VRK3: variants seen among roughly 807,000 people sequenced by gnomAD.
VRK3 encodes serine/threonine-protein kinase VRK3.
VRK3 carries 50 observed loss-of-function variants against 60.4 expected under a neutral mutation model. That is an observed-to-expected ratio of 0.83 (90% confidence interval 0.66 to 1.05). The LOEUF (loss-of-function observed/expected upper bound fraction) is 1.05, where lower values mean the gene tolerates loss of function less well. Ranked by LOEUF, VRK3 falls within the 50% of genes least tolerant of loss-of-function variation. The probability of loss-of-function intolerance (pLI) is 0.00; values close to 1 mark genes in which losing one functional copy is unlikely to be tolerated. For synonymous variants in VRK3, 246 were observed against 227.8 expected (o/e 1.08, Z -0.72); for missense variants, 549 against 585.3 (o/e 0.94, Z 0.64).
intron 3 of VRK3, among the ~76,000 whole-genome samples, chr19:50,013,040 G>A (rs60144067): frequency 0.012 from 1,758 of 152,154 alleles, 79 homozygotes; most frequent in East Asian, 0.12. Context: ...GGTGGTGGGC[G>A]CCTGTAGTCC....
intron 7 of VRK3, 39 bp downstream of exon 7, chr19:49,997,465 C>T: frequency 6.2e-7 from 1 of 1,609,262 alleles, no homozygotes. Context: ...TTGGCGCCCC[C>T]CTCACTCTCC....
In VRK3 at chr19:50,000,792, G is replaced by A. The variant is rs1289648924; in HGVS notation, c.610C>T (p.Leu204=). ...GPQKQKFSLK[L]DAKDGRLFNE... is the part of the protein sequence containing the mutation. ...CCCCCACCTGCAGGGTCACTTACCA[G>A]TTTGAGTGAGAACTTTTGCTTCTGT... Residue 204 remains leucine, a splice_region_variant and synonymous_variant, in exon 6 of 15, where the codon CTG becomes TTG. Coordinates refer to ENST00000316763, the MANE Select transcript of VRK3 (RefSeq NM_016440.4). The A allele has an allele frequency of 1.9e-6, 3 of 1,613,060 alleles. No homozygotes were observed. The highest frequency in any genetic ancestry group is 2.7e-5 in the African/African-American group (2 of 74,910).
chr19:49,994,441 TG>T (rs2076666024), intron 9 of VRK3, among the ~76,000 whole-genome samples: 1 of 152,226 alleles, frequency 6.6e-6, no homozygotes, highest in South Asian at 2.1e-4. Flanking sequence ...ACACAAGCCT[TG>T]CCCCAGCTGT....
intron 3 of VRK3, among the ~76,000 whole-genome samples, chr19:50,012,379 T>C (rs2077009573): frequency 4.6e-5 from 7 of 152,172 alleles, no homozygotes; most frequent in Admixed American, 4.6e-4. Context: ...TCCATTCAGT[T>C]CCCCTCTGTT....
chr19:50,022,633 CA>C (rs1172963553), intron 1 of VRK3, among the ~76,000 whole-genome samples: 76 of 144,476 alleles, frequency 5.3e-4, no homozygotes, highest in Admixed American at 9.7e-4. Context: ...TAAAAAAGTA[CA>C]AAAAAAAAAA....
At chr19:49,996,234 T>C (rs2076702536) in intron 7 of VRK3, among the ~76,000 whole-genome samples, 1 of 152,014 alleles carries the variant, frequency 6.6e-6, no homozygotes, top group Non-Finnish European at 1.5e-5. Flanking sequence ...TTTTTTGTAT[T>C]TTCAATAGAG....
At chr19:49,978,349 C>G (rs1290829889) in intron 14 of VRK3, among the ~76,000 whole-genome samples, 1 of 152,190 alleles carries the variant, frequency 6.6e-6, no homozygotes, top group African/African-American at 2.4e-5. Flanking sequence ...TCCTCTTCAG[C>G]ACACATCTCT....
rs2076377022 is a variant in VRK3, at chr19:49,979,021, C to A, written c.*11+62G>T. 4 of 1,510,064 alleles carry A rather than the reference C, an allele frequency of 2.6e-6. No individual in the cohort carries two copies. The Admixed American group carries it at 8.7e-5, about 33-fold the overall frequency. 93.5% of individuals were successfully genotyped at this position (1,510,064 alleles called of 1,614,324 possible). On this transcript the variant is annotated intron_variant, in intron 14 of 14. Coordinates refer to ENST00000316763, the MANE Select transcript of VRK3 (RefSeq NM_016440.4). ...GCCTCTGGGAAGTGTCTCCTGGAGC[C>A]TGGGGCAGGGCTCGGGTGAGGGCAA... is the stretch of plus-strand genomic sequence containing the variant.
chr19:50,002,129 C>G (rs909858622), intron 5 of VRK3, among the ~76,000 whole-genome samples: 16 of 152,118 alleles, frequency 1.1e-4, no homozygotes, highest in African/African-American at 3.9e-4. Flanking sequence ...TCTTGTCGCC[C>G]GCACACCTGA....
intron 2 of VRK3, among the ~76,000 whole-genome samples, chr19:50,016,561 C>A (rs1429819478): frequency 6.6e-6 from 1 of 152,180 alleles, no homozygotes; most frequent in Admixed American, 6.5e-5. Context: ...GCTGCCTGGT[C>A]CACACTGGAA....
intron 11 of VRK3, among the ~76,000 whole-genome samples, 187 bp from the exon 12 acceptor site, chr19:49,988,679 T>TCTTA (rs10649278): frequency 0.052 from 7,941 of 152,128 alleles, 676 homozygotes; most frequent in African/African-American, 0.18. Flanking sequence ...ACTCATTCTC[T>TCTTA]CTCTCACTCA....
intron 8 of VRK3, 101 bp downstream of exon 8, chr19:49,995,090 A>C (rs1056031684): frequency 5.1e-6 from 7 of 1,381,582 alleles, no homozygotes; most frequent in Non-Finnish European, 7.1e-6. Flanking sequence ...GCAGGAAGCA[A>C]AGACCTGGCC....
intron 10 of VRK3, among the ~76,000 whole-genome samples, chr19:49,992,384 A>G (rs1049007747): frequency 6.6e-6 from 1 of 152,244 alleles, no homozygotes. Flanking sequence ...AGCCTGGGCA[A>G]CAAGAGTGAA....
chr19:49,977,119 A>G (rs1178836300), intron 14 of VRK3, among the ~76,000 whole-genome samples: 3 of 151,992 alleles, frequency 2.0e-5, no homozygotes, highest in Non-Finnish European at 4.4e-5. Context: ...AGGTACATAA[A>G]GCCAGGATGA....
chr19:49,979,619 C>A (rs1390977092), intron 13 of VRK3, among the ~76,000 whole-genome samples: 1 of 152,158 alleles, frequency 6.6e-6, no homozygotes, highest in African/African-American at 2.4e-5. Context: ...TTAAAGAGGG[C>A]GGGCCCTGCT....
At chr19:50,020,247 G>T (rs1432436607) in intron 2 of VRK3, among the ~76,000 whole-genome samples, 2 of 152,034 alleles carry the variant, frequency 1.3e-5, no homozygotes, top group Non-Finnish European at 2.9e-5. Flanking sequence ...CACCATGTTG[G>T]CCAGGCTGGT....
intron 6 of VRK3, chr19:49,997,831 T>A: frequency 2.7e-6 from 1 of 375,846 alleles, no homozygotes; most frequent in Non-Finnish European, 4.9e-6. Context: ...AAAAACTACG[T>A]TTCCCAGCTT....
Sources: allele counts gnomAD v4.1 joint callset (sites outside exome capture counted in the v4.1 genomes callset), GRCh38; gene constraint gnomAD v4.1.1; transcripts MANE v1.5; gene names NCBI Gene and HGNC (gene_info 2026-07-23, HGNC 2026-07-21).